ADAMTSL1: variants seen among roughly 807,000 people sequenced by gnomAD.
The protein encoded by ADAMTSL1 is ADAMTS like 1.
A neutral mutation model predicts 201.8 loss-of-function variants in ADAMTSL1; 126 were observed. The observed-to-expected ratio is 0.62, with a 90% CI of 0.54 to 0.72. The LOEUF is 0.72. ADAMTSL1 is among the 30% of genes least tolerant of loss of function. ADAMTSL1 has a pLI of 0.00. For synonymous variants in ADAMTSL1, 1,121 were observed against 903.4 expected, an observed-to-expected ratio of 1.24 and a Z score of -4.32; for missense variants, 2,679 against 2,277.8, an observed-to-expected ratio of 1.18 and a Z score of -3.59.
chr9:18,339,750 C>T (rs1835393259), intron 2 of ADAMTSL1, among the ~76,000 whole-genome samples: 1 of 152,080 alleles, frequency 6.6e-6, no homozygotes, highest in South Asian at 2.1e-4. Flanking sequence ...TGATTATCCC[C>T]TTTTCTTCTA....
At chr9:18,045,931 A>G (rs1854579) in intron 1 of ADAMTSL1, among the ~76,000 whole-genome samples, 6,087 of 152,248 alleles carry the variant, frequency 0.04, 423 homozygotes, top group East Asian at 0.36. Context: ...ACAGAGGGAG[A>G]CAGAAAGGGT....
intron 1 of ADAMTSL1, among the ~76,000 whole-genome samples, chr9:18,108,721 G>A (rs191697724): frequency 1.6e-4 from 25 of 152,188 alleles, no homozygotes; most frequent in Admixed American, 1.6e-3. Flanking sequence ...ATTAGTCAAT[G>A]TGATGAGTCT....
intron 13 of ADAMTSL1, among the ~76,000 whole-genome samples, chr9:18,697,833 G>A (rs941530083): frequency 3.3e-5 from 5 of 152,142 alleles, no homozygotes; most frequent in Non-Finnish European, 7.4e-5. Flanking sequence ...GGTTACTGAA[G>A]GGAGAAATCA....
chr9:18,892,671 G>A, intron 26 of ADAMTSL1, 75 bp downstream of exon 26: 3 of 1,453,874 alleles, frequency 2.1e-6, no homozygotes, highest in Non-Finnish European at 2.8e-6. Context: ...GAAGTGAAAT[G>A]CTATCACTGC....
intron 23 of ADAMTSL1, among the ~76,000 whole-genome samples, chr9:18,869,826 C>T (rs1369844999): frequency 6.6e-6 from 1 of 152,158 alleles, no homozygotes; most frequent in Non-Finnish European, 1.5e-5. Context: ...TTAGAACTTT[C>T]AGATTTCCCA....
At chr9:18,524,606 A>T (rs955972050) in intron 2 of ADAMTSL1, among the ~76,000 whole-genome samples, 1 of 152,198 alleles carries the variant, frequency 6.6e-6, no homozygotes, top group African/African-American at 2.4e-5. Flanking sequence ...TTATTTTGAG[A>T]TATGTTCCAT....
intron 1 of ADAMTSL1, among the ~76,000 whole-genome samples, chr9:17,922,694 G>A (rs770102327): frequency 9.4e-5 from 14 of 149,606 alleles, no homozygotes; most frequent in Admixed American, 1.4e-4. Flanking sequence ...GGGAGAGGTG[G>A]GAGTGAACCA....
rs1321766112 is a variant in ADAMTSL1, at chr9:18,769,255, G to A, written c.2218-1347G>A. Among the ~76,000 whole-genome samples, 7 of 152,296 alleles carry A rather than the reference G, an allele frequency of 4.6e-5. No individual in the cohort carries two copies. In the South Asian group the frequency reaches 1.0e-3, roughly 23 times the overall value. ...AAACAAAGACCAACGTGAGTTCTGA[G>A]AGGGGCACTCCTCCAGCAAAGCAGG... On this transcript the variant is annotated intron_variant, in intron 16 of 28. Coordinates refer to ENST00000380548, the MANE Select transcript of ADAMTSL1 (RefSeq NM_001040272.6).
chr9:18,530,094 T>G (rs1819347959), intron 2 of ADAMTSL1, among the ~76,000 whole-genome samples: 1 of 152,202 alleles, frequency 6.6e-6, no homozygotes, highest in South Asian at 2.1e-4. Flanking sequence ...CTGCTTTGTT[T>G]TGTTTAGGAA....
chr9:18,306,302 A>G (rs1040774188), intron 2 of ADAMTSL1, among the ~76,000 whole-genome samples: 5 of 152,052 alleles, frequency 3.3e-5, no homozygotes, highest in Non-Finnish European at 7.4e-5. Flanking sequence ...AAGGATCACA[A>G]CTCCTCACCA....
chr9:18,057,233 G>T (rs930647560), intron 1 of ADAMTSL1, among the ~76,000 whole-genome samples: 6 of 152,108 alleles, frequency 3.9e-5, no homozygotes, highest in African/African-American at 9.7e-5. Context: ...CGGTTTTCCT[G>T]TGTGTGGAAC....
intron 1 of ADAMTSL1, among the ~76,000 whole-genome samples, chr9:18,103,572 A>C (rs1020177447): frequency 1.3e-5 from 2 of 152,178 alleles, no homozygotes; most frequent in South Asian, 4.1e-4. Context: ...ATACAGGATG[A>C]TATGCTCTGC....
chr9:18,256,931 C>G (rs1025050939), intron 2 of ADAMTSL1, among the ~76,000 whole-genome samples: 1 of 152,174 alleles, frequency 6.6e-6, no homozygotes, highest in Non-Finnish European at 1.5e-5. Context: ...TGTGCTTGTA[C>G]TTTATCTGCC....
chr9:18,369,932 C>A (rs1836967341), intron 2 of ADAMTSL1, among the ~76,000 whole-genome samples: 1 of 152,134 alleles, frequency 6.6e-6, no homozygotes, highest in Admixed American at 6.5e-5. Flanking sequence ...TAAATGTTCT[C>A]ACTTATAAGT....
chr9:18,365,684 G>T (rs1836735196), intron 2 of ADAMTSL1, among the ~76,000 whole-genome samples: 1 of 152,244 alleles, frequency 6.6e-6, no homozygotes, highest in East Asian at 1.9e-4. Context: ...AAAGGGAAAA[G>T]AGTGTGAGAG....
intron 1 of ADAMTSL1, among the ~76,000 whole-genome samples, chr9:18,498,368 C>G (rs1430557332): frequency 7.9e-6 from 1 of 126,556 alleles, no homozygotes; most frequent in Admixed American, 8.4e-5. Context: ...TGGGATTTTA[C>G]TCTTGTTGCC....
intron 2 of ADAMTSL1, among the ~76,000 whole-genome samples, chr9:18,200,077 A>T (rs1234895671): frequency 6.6e-6 from 1 of 152,066 alleles, no homozygotes; most frequent in Non-Finnish European, 1.5e-5. Flanking sequence ...AGAGAAGAGG[A>T]ACCCAAAATA....
chr9:18,151,100 A>C (rs1944748), intron 1 of ADAMTSL1, among the ~76,000 whole-genome samples: 1 of 151,628 alleles, frequency 6.6e-6, no homozygotes, highest in African/African-American at 2.4e-5. Context: ...TGTGTTACCT[A>C]GTCCATCTAT....
intron 1 of ADAMTSL1, among the ~76,000 whole-genome samples, chr9:18,077,488 C>T (rs943094689): frequency 6.6e-6 from 1 of 152,050 alleles, no homozygotes; most frequent in Non-Finnish European, 1.5e-5. Context: ...TAAAGAGGGA[C>T]CTGTGATATT....
Sources: gnomAD v4.1 joint callset for allele counts (sites outside exome capture counted in the v4.1 genomes callset) on GRCh38, gnomAD v4.1.1 for gene constraint, MANE v1.5 for transcripts, NCBI Gene and HGNC (gene_info 2026-07-23, HGNC 2026-07-21) for gene names.